Variants in APBA2 observed in about 807,000 individuals in gnomAD.
The protein encoded by APBA2 is amyloid beta precursor protein binding family A member 2.
A neutral mutation model predicts 75.0 loss-of-function variants in APBA2; 30 were observed. That is an observed-to-expected ratio of 0.40 (90% CI 0.30 to 0.54). APBA2 has a LOEUF of 0.54. APBA2 is among the 20% of genes least tolerant of loss of function. The probability of loss-of-function intolerance (pLI) is 0.49; values close to 1 mark genes in which losing one functional copy is unlikely to be tolerated. For missense variants in APBA2, 801 were observed against 1,016.1 expected (o/e 0.79, Z 2.88); for synonymous variants, 444 against 409.6 (o/e 1.08, Z -1.01).
At chr15:28,902,825 T>G (rs4073318) in intron 1 of APBA2, among the ~76,000 whole-genome samples, 108,847 of 152,142 alleles carry the variant, frequency 0.72, 44,221 homozygotes, top group Non-Finnish European at 0.9. Flanking sequence ...TTCCCCCATC[T>G]GTCTCAGGAC....
intron 1 of APBA2, among the ~76,000 whole-genome samples, chr15:28,908,411 C>T (rs1206201328): frequency 6.6e-6 from 1 of 151,478 alleles, no homozygotes; most frequent in African/African-American, 2.4e-5. Flanking sequence ...CCCAGGTTCA[C>T]GCCATTCTCC....
intron 6 of APBA2, among the ~76,000 whole-genome samples, chr15:29,083,954 A>C (rs1442223173): frequency 6.6e-6 from 1 of 152,252 alleles, no homozygotes; most frequent in Non-Finnish European, 1.5e-5. Context: ...CCACTTGTTC[A>C]AGCTCATTTA....
In APBA2 at chr15:28,952,402, C is replaced by T. The variant is rs547604286; in HGVS notation, c.-95+30653C>T. 8.9e-4 allele frequency among the ~76,000 whole-genome samples: 135 copies of T among 152,104 alleles called. 1 individual carries two copies. In the Middle Eastern group the frequency reaches 0.01, roughly 11 times the overall value. ...AAAAAAAAAGCCAGGTGTGGTGACG[C>T]GCACCAGTGGTCCCACCTCCGTGGG... On this transcript the variant is annotated intron_variant, in intron 2 of 14. Transcript: ENST00000683413.
At chr15:29,079,386 C>G (rs1304386274) in intron 6 of APBA2, among the ~76,000 whole-genome samples, 4 of 152,080 alleles carry the variant, frequency 2.6e-5, no homozygotes, top group African/African-American at 9.7e-5. Context: ...GTAGACGGCC[C>G]CATGTCTAGC....
At chr15:29,068,478 G>A (rs1441330782) in intron 4 of APBA2, among the ~76,000 whole-genome samples, 1 of 152,276 alleles carries the variant, frequency 6.6e-6, no homozygotes, top group Non-Finnish European at 1.5e-5. Context: ...AAGGGGCACT[G>A]TCTGCTTAGC....
At chr15:28,963,105 T>C (rs750604763) in intron 2 of APBA2, among the ~76,000 whole-genome samples, 8 of 152,220 alleles carry the variant, frequency 5.3e-5, no homozygotes, top group Admixed American at 1.3e-4. Context: ...CTAAAGCCTT[T>C]AGTGAAGAAG....
rs535636099 is a variant in APBA2 at position 29,029,387 on chromosome 15, T to A, written c.-40-24458T>A. 2.3e-4 allele frequency among the ~76,000 whole-genome samples: 35 copies of A among 152,276 alleles called. No individual in the cohort carries two copies. In the South Asian group the frequency reaches 7.3e-3, roughly 32 times the overall value. On this transcript the variant is annotated intron_variant, in intron 3 of 14. Coordinates refer to ENST00000683413, the MANE Select transcript of APBA2 (RefSeq NM_001353788.2). ...TGTATATTTCCTAATGAGTACTAAT[T>A]TGGCCATATCCCCTAGTTGTGATAT...
At chr15:28,930,165 A>T (rs1479689879) in intron 2 of APBA2, among the ~76,000 whole-genome samples, 3 of 152,116 alleles carry the variant, frequency 2.0e-5, no homozygotes, top group African/African-American at 7.2e-5. Context: ...ATAGGTGGGA[A>T]TGGGCTGGCA....
In APBA2 at chr15:29,082,451, ACTCAT is replaced by A. The variant is rs1162027975; in HGVS notation, c.1069+6366_1069+6370del. Among the ~76,000 whole-genome samples the A allele has an allele frequency of 3.9e-5, 6 of 152,080 alleles. No homozygotes were observed. The East Asian group carries it at 1.2e-3, about 29-fold the overall frequency. On this transcript the variant is annotated intron_variant, in intron 6 of 14. Transcript: ENST00000683413. ...ACAGGATTATTAACTACAGACATTT[ACTCAT>A]CTCATAACTAAAGGTTTGTACCATT... is the stretch of plus-strand genomic sequence containing the variant.
intron 3 of APBA2, among the ~76,000 whole-genome samples, chr15:29,031,386 C>T (rs975212494): frequency 3.3e-5 from 5 of 152,134 alleles, no homozygotes; most frequent in East Asian, 1.9e-4. Flanking sequence ...CTCCTCGGGC[C>T]GTCTCTCCTT....
intron 3 of APBA2, among the ~76,000 whole-genome samples, chr15:29,037,434 G>T (rs959765365): frequency 5.3e-5 from 8 of 152,154 alleles, no homozygotes; most frequent in Non-Finnish European, 8.8e-5. Context: ...GTGAATCATC[G>T]TGTGAGATTA....
intron 3 of APBA2, among the ~76,000 whole-genome samples, chr15:29,011,777 C>G (rs1395145450): frequency 2.0e-5 from 3 of 152,086 alleles, no homozygotes; most frequent in Non-Finnish European, 2.9e-5. Context: ...ATGTCTAATA[C>G]TTTAGATTTG....
chr15:28,960,148 C>CAAAAA (rs59345963), intron 2 of APBA2, among the ~76,000 whole-genome samples: 1 of 93,192 alleles, frequency 1.1e-5, no homozygotes, highest in East Asian at 3.2e-4. Flanking sequence ...GACCTTGTTT[C>CAAAAA]AAAAAAAAAA....
chr15:29,105,283 G>T, intron 10 of APBA2, 96 bp from the exon 11 acceptor site: 1 of 1,279,568 alleles, frequency 7.8e-7, no homozygotes, highest in Non-Finnish European at 1.1e-6. Context: ...GCTTATGGGT[G>T]CATCCTGCAC....
chr15:28,939,188 T>C (rs915654877), intron 2 of APBA2, among the ~76,000 whole-genome samples: 2 of 152,332 alleles, frequency 1.3e-5, no homozygotes, highest in South Asian at 4.1e-4. Flanking sequence ...TGCGTCAGAA[T>C]TGCTTCCTTT....
At chr15:28,981,812 A>C (rs1047087711) in intron 2 of APBA2, among the ~76,000 whole-genome samples, 1 of 152,228 alleles carries the variant, frequency 6.6e-6, no homozygotes, top group African/African-American at 2.4e-5. Context: ...ACACCATGGA[A>C]TACTATGGAG....
Position 29,118,255 on chromosome 15 carries a change from T to C in APBA2, c.*1122T>C, listed in dbSNP as rs1470482980. ...TATTCGAGGAGTGCCGTGTGTTGCA[T>C]GCAGCTACCCGTAGGAAGACTTCGC... On this transcript the variant is annotated 3_prime_UTR_variant, in exon 15 of 15. Coordinates refer to ENST00000683413, the MANE Select transcript of APBA2 (RefSeq NM_001353788.2). The C allele has an allele frequency of 6.6e-6, 1 of 152,560 alleles. No homozygotes were observed. The highest frequency in any genetic ancestry group is 2.4e-5 in the African/African-American group (1 of 41,482). 9.5% of individuals were successfully genotyped at this position (152,560 alleles called of 1,614,324 possible). A position where few individuals can be genotyped will look rare whatever the true frequency, so the allele number is the denominator to read the frequency against.
chr15:28,932,532 A>G (rs1196603616), intron 2 of APBA2, among the ~76,000 whole-genome samples: 1 of 152,218 alleles, frequency 6.6e-6, no homozygotes, highest in Non-Finnish European at 1.5e-5. Context: ...CAACGTCCAC[A>G]GTGGCTTAGC....
At chr15:29,114,107 G>A in intron 14 of APBA2, 91 bp downstream of exon 14, 1 of 1,577,270 alleles carries the variant, frequency 6.3e-7, no homozygotes, top group Non-Finnish European at 8.7e-7. Flanking sequence ...AGAGGACACA[G>A]GGCATCTGAA....
Sources: gnomAD v4.1 joint callset for allele counts (sites outside exome capture counted in the v4.1 genomes callset) on GRCh38, gnomAD v4.1.1 for gene constraint, MANE v1.5 for transcripts, NCBI Gene and HGNC (gene_info 2026-07-23, HGNC 2026-07-21) for gene names.